ATRNL1: variants seen among roughly 807,000 people sequenced by gnomAD.
ATRNL1 encodes attractin-like protein 1.
ATRNL1 carries 95 observed loss-of-function variants against 182.7 expected under a neutral mutation model. The ratio of observed to expected loss-of-function variants is 0.52; its 90% CI spans 0.44 to 0.62. The LOEUF (loss-of-function observed/expected upper bound fraction) is 0.62. Ranked by LOEUF, ATRNL1 falls within the 20% of genes least tolerant of loss-of-function variation. The pLI, the probability that ATRNL1 is intolerant of heterozygous loss-of-function variation, is 0.00. For synonymous variants in ATRNL1, 576 were observed against 568.3 expected (o/e 1.01, Z -0.19); for missense variants, 1,471 against 1,679.5 (o/e 0.88, Z 2.17).
intron 27 of ATRNL1, among the ~76,000 whole-genome samples, chr10:115,769,168 T>C (rs1163484836): frequency 3.3e-5 from 5 of 152,284 alleles, no homozygotes; most frequent in African/African-American, 1.2e-4. Context: ...TACTGTTTTT[T>C]CAGTTTCAAA....
intron 26 of ATRNL1, among the ~76,000 whole-genome samples, chr10:115,553,904 G>GAACTACTAC (rs1853152569): frequency 6.6e-6 from 1 of 151,442 alleles, no homozygotes; most frequent in Non-Finnish European, 1.5e-5. Flanking sequence ...ATGTAGCAGT[G>GAACTACTAC]TTTTATAAAT....
At chr10:115,207,713 C>T (rs553199531) in intron 8 of ATRNL1, among the ~76,000 whole-genome samples, 176 of 152,176 alleles carry the variant, frequency 1.2e-3, no homozygotes, top group African/African-American at 4.0e-3. Context: ...TGTGACTCCA[C>T]TGTCCTCTGA....
intron 27 of ATRNL1, among the ~76,000 whole-genome samples, chr10:115,837,731 T>C (rs1555095937): frequency 1.3e-5 from 2 of 152,130 alleles, no homozygotes; most frequent in African/African-American, 4.8e-5. Flanking sequence ...GACCAGACAC[T>C]AGAATACTCG....
Position 115,911,840 on chromosome 10 carries a change from C to T in ATRNL1, c.4019-32818C>T, listed in dbSNP as rs576835664. 8.5e-5 allele frequency among the ~76,000 whole-genome samples: 13 copies of T among 152,262 alleles called. No homozygotes were observed. The East Asian group carries it at 1.7e-3, about 20-fold the overall frequency. On this transcript the variant is annotated intron_variant, in intron 28 of 28. Coordinates refer to ENST00000355044, the MANE Select transcript of ATRNL1 (RefSeq NM_207303.4). ...TGAACTCCACTTTCTCCCCTCAAGC[C>T]GCTGCTGCCTTGCTTTTCCCATGCA...
intron 8 of ATRNL1, among the ~76,000 whole-genome samples, chr10:115,191,340 A>T (rs1344167619): frequency 6.6e-6 from 1 of 152,156 alleles, no homozygotes; most frequent in Non-Finnish European, 1.5e-5. Context: ...CCGGCAGTGT[A>T]TGAGGATTCT....
intron 17 of ATRNL1, among the ~76,000 whole-genome samples, chr10:115,312,471 T>A (rs782579299): frequency 7.2e-5 from 11 of 152,170 alleles, no homozygotes; most frequent in African/African-American, 1.2e-4. Context: ...TGCTGAGAAG[T>A]CTGCTATTAG....
intron 26 of ATRNL1, among the ~76,000 whole-genome samples, chr10:115,694,869 T>C (rs1946503144): frequency 6.9e-6 from 1 of 144,016 alleles, no homozygotes; most frequent in Non-Finnish European, 1.5e-5. Flanking sequence ...AATGAGTGCA[T>C]TCTATTTTTC....
chr10:115,882,262 G>T, intron 28 of ATRNL1, among the ~76,000 whole-genome samples: 1 of 152,200 alleles, frequency 6.6e-6, no homozygotes, highest in East Asian at 1.9e-4. Context: ...AATGCCTGCA[G>T]GGTGCCCACA....
At chr10:115,303,863 T>C (rs1853602485) in intron 17 of ATRNL1, among the ~76,000 whole-genome samples, 1 of 152,058 alleles carries the variant, frequency 6.6e-6, no homozygotes. Flanking sequence ...GGTGTATCTA[T>C]TAAACTCAGG....
At chr10:115,236,622 T>C (rs1369758465) in intron 9 of ATRNL1, among the ~76,000 whole-genome samples, 1 of 152,182 alleles carries the variant, frequency 6.6e-6, no homozygotes, top group Non-Finnish European at 1.5e-5. Context: ...TTTAGTTTTA[T>C]GGAGAAATGA....
intron 26 of ATRNL1, among the ~76,000 whole-genome samples, chr10:115,621,270 TATATATAGAGAG>T (rs1450060662): frequency 1.8e-5 from 1 of 55,512 alleles, no homozygotes; most frequent in African/African-American, 6.4e-5. Flanking sequence ...TATATATATA[TATATATAGAGAG>T]AGAGAGAGAG....
chr10:115,814,425 T>G (rs1238704651), intron 27 of ATRNL1, among the ~76,000 whole-genome samples: 1 of 152,176 alleles, frequency 6.6e-6, no homozygotes, highest in African/African-American at 2.4e-5. Context: ...ATAATACTTT[T>G]ATATACTCAT....
intron 27 of ATRNL1, among the ~76,000 whole-genome samples, chr10:115,817,871 C>T (rs1431542839): frequency 3.3e-5 from 3 of 90,122 alleles, no homozygotes; most frequent in African/African-American, 8.1e-5. Context: ...TTTGATTTTA[C>T]GTTGTGTTTT....
At chr10:115,573,610 C>T (rs1283430113) in intron 26 of ATRNL1, among the ~76,000 whole-genome samples, 1 of 152,070 alleles carries the variant, frequency 6.6e-6, no homozygotes, top group Non-Finnish European at 1.5e-5. Flanking sequence ...ATTTCCCTGT[C>T]TCCTGTCTGT....
chr10:115,371,507 T>G (rs1857393651), intron 19 of ATRNL1, among the ~76,000 whole-genome samples: 1 of 152,202 alleles, frequency 6.6e-6, no homozygotes, highest in African/African-American at 2.4e-5. Flanking sequence ...AAGGAGATCA[T>G]TTTGGAGCTT....
At chr10:115,363,465 G>A (rs1283696305) in intron 19 of ATRNL1, among the ~76,000 whole-genome samples, 1 of 144,764 alleles carries the variant, frequency 6.9e-6, no homozygotes, top group African/African-American at 2.5e-5. Context: ...CCATTTTGTA[G>A]GTTGCCTGTT....
At chr10:115,636,945 T>C (rs1858914663) in intron 26 of ATRNL1, among the ~76,000 whole-genome samples, 1 of 152,034 alleles carries the variant, frequency 6.6e-6, no homozygotes, top group Admixed American at 6.6e-5. Context: ...ACAGCAATGG[T>C]CCCAAGAGAT....
Position 115,120,223 on chromosome 10 carries a change from T to A in ATRNL1, c.332T>A (p.Ile111Asn). 1 of 1,578,638 alleles carries A rather than the reference T, an allele frequency of 6.3e-7. No homozygotes were observed. Among genetic ancestry groups the A allele is most frequent in the South Asian group, 1.1e-5 (1 of 89,202 alleles). Residue 111 changes from isoleucine (I) to asparagine (N), a missense_variant, in exon 2 of 29, where the codon ATT becomes AAT. Ile to Asn is a moderately radical substitution (Grantham distance 149). Coordinates refer to ENST00000355044, the MANE Select transcript of ATRNL1 (RefSeq NM_207303.4). ...EPSGYLTDGP[I>N]NYKYKTKCTW... ...TCTGGATATTTAACAGATGGCCCAA[T>A]TAACTATAAATATAAAACTAAATGT... is the stretch of plus-strand genomic sequence containing the variant.
intron 25 of ATRNL1, among the ~76,000 whole-genome samples, chr10:115,532,569 A>C (rs1487607485): frequency 1.3e-5 from 2 of 151,734 alleles, no homozygotes; most frequent in Non-Finnish European, 2.9e-5. Context: ...TGTCGTCTGC[A>C]AACAGGGACA....
Sources: gnomAD v4.1 joint callset for allele counts (sites outside exome capture counted in the v4.1 genomes callset) on GRCh38, gnomAD v4.1.1 for gene constraint, MANE v1.5 for transcripts, NCBI Gene and HGNC (gene_info 2026-07-23, HGNC 2026-07-21) for gene names.